Variants in BICD1 observed in about 807,000 individuals in gnomAD.
BICD1 encodes BICD cargo adaptor 1, also known as protein bicaudal D homolog 1.
A neutral mutation model predicts 92.5 loss-of-function variants in BICD1; 35 were observed. The observed-to-expected ratio is 0.38, with a 90% CI of 0.29 to 0.50. BICD1 has a LOEUF of 0.50. Ranked by LOEUF, BICD1 falls within the 20% of genes least tolerant of loss-of-function variation. BICD1 has a pLI of 0.93. For missense variants in BICD1, 950 were observed against 1,189.8 expected (o/e 0.80, Z 2.97); for synonymous variants, 429 against 465.1 (o/e 0.92, Z 1.00).
Position 32,313,493 on chromosome 12 carries a change from T to G in BICD1, c.1005+7371T>G, listed in dbSNP as rs865917349. 1.1e-4 allele frequency among the ~76,000 whole-genome samples: 17 copies of G among 152,096 alleles called. No homozygotes were observed. The highest frequency in any genetic ancestry group is 8.5e-4 in the Admixed American group (13 of 15,272). On this transcript the variant is annotated intron_variant, in intron 4 of 9. Transcript: ENST00000652176. The surrounding 1 kb of genome is among the most constrained non-coding windows in gnomAD (Gnocchi z 4.2). ...AAGGTCAAAAATCTAGTAAGTGGAG[T>G]TGCTACACAGAGACAGTCGAACAAG...
chr12:32,124,468 CTA>C (rs1942259364), intron 1 of BICD1, among the ~76,000 whole-genome samples: 1 of 152,062 alleles, frequency 6.6e-6, no homozygotes, highest in African/African-American at 2.4e-5. Flanking sequence ...ATGATAATAA[CTA>C]TAAGTGGTAA....
chr12:32,206,635 TC>T (rs1177259642), intron 1 of BICD1, among the ~76,000 whole-genome samples: 1 of 152,108 alleles, frequency 6.6e-6, no homozygotes, highest in Non-Finnish European at 1.5e-5. Context: ...AGAAAACTCT[TC>T]CTTCAGCAAA....
At chr12:32,314,275 G>A (rs1217384447) in intron 4 of BICD1, among the ~76,000 whole-genome samples, 3 of 152,050 alleles carry the variant, frequency 2.0e-5, no homozygotes, top group Non-Finnish European at 4.4e-5. Flanking sequence ...TTTAATTCCC[G>A]GGGGAGTTAA....
chr12:32,282,706 G>T (rs1160098727), intron 2 of BICD1, among the ~76,000 whole-genome samples: 7 of 152,168 alleles, frequency 4.6e-5, no homozygotes, highest in Non-Finnish European at 7.3e-5. Context: ...GTTGAGCAGA[G>T]ACGAGGGGAC....
intron 2 of BICD1, among the ~76,000 whole-genome samples, chr12:32,248,166 C>T (rs1946438690): frequency 6.6e-6 from 1 of 152,162 alleles, no homozygotes; most frequent in Non-Finnish European, 1.5e-5. Flanking sequence ...AGAAAAATGT[C>T]TTTCCAAAAG....
chr12:32,201,931 T>C (rs1462220682), intron 1 of BICD1, among the ~76,000 whole-genome samples: 1 of 152,228 alleles, frequency 6.6e-6, no homozygotes, highest in Admixed American at 6.5e-5. Context: ...TGAGCACATA[T>C]ACTTTCCGTA....
At chr12:32,305,463 A>G (rs1362916608) in intron 3 of BICD1, among the ~76,000 whole-genome samples, 1 of 151,430 alleles carries the variant, frequency 6.6e-6, no homozygotes, top group Non-Finnish European at 1.5e-5. Context: ...CTAATTATAT[A>G]TAACATTTAT....
chr12:32,187,195 A>T (rs1314712924), intron 1 of BICD1, among the ~76,000 whole-genome samples: 1 of 152,242 alleles, frequency 6.6e-6, no homozygotes, highest in East Asian at 1.9e-4. Flanking sequence ...GCCCAGGAAG[A>T]TAAGACAGTA....
At chr12:32,362,386 GTTTTCT>G (rs1359538933) in intron 8 of BICD1, among the ~76,000 whole-genome samples, 6 of 152,130 alleles carry the variant, frequency 3.9e-5, no homozygotes, top group Non-Finnish European at 8.8e-5. Flanking sequence ...AAATTGGTTA[GTTTTCT>G]AAATTGCATT....
intron 4 of BICD1, among the ~76,000 whole-genome samples, chr12:32,324,225 T>G (rs1948719786): frequency 6.6e-6 from 1 of 151,908 alleles, no homozygotes; most frequent in Non-Finnish European, 1.5e-5. Context: ...TGTGGTGGCG[T>G]GTGCCTGTAG....
At chr12:32,292,281 G>C (rs1418841936) in intron 2 of BICD1, among the ~76,000 whole-genome samples, 1 of 152,124 alleles carries the variant, frequency 6.6e-6, no homozygotes, top group Non-Finnish European at 1.5e-5. Context: ...CCATGGTCAC[G>C]TGGCCATCTT....
intron 1 of BICD1, among the ~76,000 whole-genome samples, chr12:32,141,992 C>T (rs1276053805): frequency 1.3e-5 from 2 of 152,026 alleles, no homozygotes; most frequent in Non-Finnish European, 2.9e-5. Flanking sequence ...AGGTATAAAT[C>T]TTATCAATGT....
chr12:32,288,367 G>C (rs954265002), intron 2 of BICD1, among the ~76,000 whole-genome samples: 1 of 151,770 alleles, frequency 6.6e-6, no homozygotes, highest in African/African-American at 2.4e-5. Flanking sequence ...GACTAGCTGG[G>C]ACTAAAAGTG....
chr12:32,230,082 A>C (rs1269577982), intron 2 of BICD1, among the ~76,000 whole-genome samples: 2 of 152,170 alleles, frequency 1.3e-5, no homozygotes, highest in Non-Finnish European at 2.9e-5. Context: ...GTCTGCTTCC[A>C]TCTCCTCACT....
At chr12:32,262,864 C>T (rs11051883) in intron 2 of BICD1, among the ~76,000 whole-genome samples, 23,432 of 152,186 alleles carry the variant, frequency 0.15, 3,386 homozygotes, top group African/African-American at 0.38. Flanking sequence ...CAAATTTAGG[C>T]TGTGAGTGGT....
At chr12:32,172,075 C>T (rs910129156) in intron 1 of BICD1, among the ~76,000 whole-genome samples, 12 of 152,010 alleles carry the variant, frequency 7.9e-5, no homozygotes, top group Non-Finnish European at 1.8e-4. Flanking sequence ...CCTCTCCCTC[C>T]GTTCCTTTTC....
At position 32,243,264 on chromosome 12, in the gene BICD1, ATTTTT is replaced by A. The variant is rs71068310; in HGVS notation, c.426+26822_426+26826del. 5.5e-3 allele frequency among the ~76,000 whole-genome samples: 404 copies of A among 74,042 alleles called. 2 individuals are homozygous for A. Among genetic ancestry groups the A allele is most frequent in the African/African-American group, 0.022 (358 of 16,286 alleles). 48.6% of individuals were successfully genotyped at this position (74,042 alleles called of 152,430 possible). A position where few individuals can be genotyped will look rare whatever the true frequency, so the allele number is the denominator to read the frequency against. On this transcript the variant is annotated intron_variant, in intron 2 of 9. Coordinates refer to ENST00000652176, the MANE Select transcript of BICD1 (RefSeq NM_001714.4). ...AGGCACGCCCCACCATGCCTGGCTA[ATTTTT>A]TTTTTTTTTTTTTTTTGTATTTTTG...
chr12:32,339,934 C>T, intron 8 of BICD1: 4 of 829,872 alleles, frequency 4.8e-6, no homozygotes, highest in Non-Finnish European at 5.8e-6. Flanking sequence ...ATGTCAACAC[C>T]TGTTGGAGCT....
chr12:32,184,555 G>A (rs1367388108), intron 1 of BICD1, among the ~76,000 whole-genome samples: 2 of 152,142 alleles, frequency 1.3e-5, no homozygotes, highest in East Asian at 3.9e-4. Flanking sequence ...AAAGTGCTGG[G>A]ATTACAGGTG....
Sources: allele counts gnomAD v4.1 joint callset (sites outside exome capture counted in the v4.1 genomes callset), GRCh38; gene constraint gnomAD v4.1.1; non-coding constraint Gnocchi (gnomAD v3.1); transcripts MANE v1.5; gene names NCBI Gene and HGNC (gene_info 2026-07-23, HGNC 2026-07-21).